Variants in CLMN observed in about 807,000 individuals in gnomAD.
The protein encoded by CLMN is calmin (calponin-like, transmembrane).
CLMN carries 57 observed loss-of-function variants against 92.7 expected under a neutral mutation model. The ratio of observed to expected loss-of-function variants is 0.61; its 90% CI spans 0.50 to 0.77. The LOEUF (loss-of-function observed/expected upper bound fraction) is 0.77. Ranked by LOEUF, CLMN falls within the 30% of genes least tolerant of loss-of-function variation. The pLI is 0.00. For synonymous variants in CLMN, 466 were observed against 470.6 expected, an observed-to-expected ratio of 0.99 and a Z score of 0.13; for missense variants, 1,158 against 1,237.5, an observed-to-expected ratio of 0.94 and a Z score of 0.96.
At chr14:95,318,588 T>C (rs926012270) in intron 1 of CLMN, among the ~76,000 whole-genome samples, 4 of 152,132 alleles carry the variant, frequency 2.6e-5, no homozygotes, top group Non-Finnish European at 5.9e-5. Context: ...GTAAAGTCGC[T>C]GCCCTGGCTG....
chr14:95,317,807 T>C (rs572029027), intron 1 of CLMN, among the ~76,000 whole-genome samples: 7 of 152,242 alleles, frequency 4.6e-5, no homozygotes, highest in Non-Finnish European at 7.3e-5. Context: ...GATGTACTCA[T>C]ACATAAAGTT....
Position 95,215,648 on chromosome 14 carries a change from A to G in CLMN, c.410T>C (p.Phe137Ser). The G allele has an allele frequency of 6.2e-7, 1 of 1,613,428 alleles. No homozygotes were observed. The highest frequency in any genetic ancestry group is 8.5e-7 in the Non-Finnish European group (1 of 1,179,312). Residue 137 changes from phenylalanine to serine, a missense_variant, in exon 5 of 13, where the codon TTC (phenylalanine) becomes TCC (serine). Transcript: ENST00000298912. Reference protein sequence around the residue: ...VLGLIWNIILFFQIKELTGNL... With the variant: ...VLGLIWNIILSFQIKELTGNL... ...GAAAAGAAATGATCTTACCTGGAAGAAGAGGATTATGTTCCATATCAGCCC... is the reference window on the plus strand; with the variant it reads ...GAAAAGAAATGATCTTACCTGGAAGGAGAGGATTATGTTCCATATCAGCCC...
Position 95,210,622 on chromosome 14 carries a change from T to C in CLMN, c.802+64A>G, listed in dbSNP as rs1254125483. The C allele has an allele frequency of 1.1e-5, 16 of 1,523,008 alleles. No homozygotes were observed. The East Asian group carries it at 1.2e-4, about 11-fold the overall frequency. 94.3% of individuals were successfully genotyped at this position (1,523,008 alleles called of 1,614,324 possible). On this transcript the variant is annotated intron_variant, in intron 7 of 12. Transcript: ENST00000298912. ...TTCTGTATTTTCCAGATTTTCCACA[T>C]GGGACAGCAAGTGGTACATTTGTAA...
At chr14:95,288,549 C>G (rs572649590) in intron 1 of CLMN, among the ~76,000 whole-genome samples, 2 of 152,194 alleles carry the variant, frequency 1.3e-5, no homozygotes, top group Non-Finnish European at 2.9e-5. Context: ...TTGGCAGATC[C>G]TATGCTTAAA....
Position 95,281,964 on chromosome 14 carries a change from G to A in CLMN, c.82+37747C>T, listed in dbSNP as rs547297643. On this transcript the variant is annotated intron_variant, in intron 1 of 12. Transcript: ENST00000298912. ...CGGGCTCCACCACCCTTCAATTCAC[G>A]AAAGAGCTGCCCTATTTTCCTCTAC... Among the ~76,000 whole-genome samples the A allele has an allele frequency of 8.3e-4, 126 of 152,294 alleles. 1 individual carries two copies. In the South Asian group the frequency reaches 0.015, roughly 18 times the overall value.
At chr14:95,207,052 G>A (rs1440516149) in intron 8 of CLMN, among the ~76,000 whole-genome samples, 1 of 151,766 alleles carries the variant, frequency 6.6e-6, no homozygotes, top group African/African-American at 2.4e-5. Flanking sequence ...TCAAGATATT[G>A]GCAGGGCTGG....
At chr14:95,310,268 G>T (rs929247254) in intron 1 of CLMN, among the ~76,000 whole-genome samples, 1 of 152,184 alleles carries the variant, frequency 6.6e-6, no homozygotes, top group Non-Finnish European at 1.5e-5. Context: ...TTAGAGCAAT[G>T]CAAAAACGAC....
chr14:95,210,715 A>C lies in CLMN; in HGVS notation c.773T>G (p.Leu258Arg). 1 of 1,607,678 alleles carries C rather than the reference A, an allele frequency of 6.2e-7. No individual in the cohort carries two copies. Among genetic ancestry groups the C allele is most frequent in the Non-Finnish European group, 8.5e-7 (1 of 1,177,428 alleles). Residue 258 changes from leucine (L) to arginine (R), a missense_variant, in exon 7 of 13, where the codon CTG (leucine) becomes CGG (arginine). Transcript: ENST00000298912. ...TGGCTCCAGGAGCCTGGGGATGTGC[A>C]GGGCATCCTGTGCGATGCTGAAAGC... Reference protein sequence around the residue: ...EKAFSIAQDALHIPRLLEPED... With the variant: ...EKAFSIAQDARHIPRLLEPED...
At chr14:95,197,701 C>G (rs147549843) in intron 9 of CLMN, among the ~76,000 whole-genome samples, 6 of 152,304 alleles carry the variant, frequency 3.9e-5, no homozygotes, top group South Asian at 2.1e-4. Context: ...CTCTGAAACC[C>G]GTCAGCAAGG....
chr14:95,314,008 G>A (rs925530392), intron 1 of CLMN, among the ~76,000 whole-genome samples: 4 of 152,210 alleles, frequency 2.6e-5, no homozygotes, highest in Admixed American at 6.5e-5. Context: ...ATGCAAAGTC[G>A]TGGCTGCTGA....
intron 1 of CLMN, among the ~76,000 whole-genome samples, chr14:95,311,367 A>G (rs55832541): frequency 0.063 from 9,643 of 152,210 alleles, 320 homozygotes; most frequent in Middle Eastern, 0.095. Context: ...AGGAGAGGAA[A>G]GCAGGGGTGG....
intron 5 of CLMN, among the ~76,000 whole-genome samples, chr14:95,214,574 A>G (rs1198445418): frequency 2.6e-5 from 4 of 151,286 alleles, no homozygotes; most frequent in African/African-American, 7.3e-5. Flanking sequence ...TGATGTTGGA[A>G]CTCCTGGGCT....
chr14:95,203,186 G>A lies in CLMN; in HGVS notation c.2163C>T (p.Val721=), dbSNP rs1197208730. The A allele has an allele frequency of 1.2e-6, 2 of 1,613,018 alleles. No individual in the cohort carries two copies. Among genetic ancestry groups the A allele is most frequent in the Non-Finnish European group, 1.7e-6 (2 of 1,180,018 alleles). The change falls in exon 9 of 13, where the codon GTC becomes GTT. Residue 721 remains valine, a synonymous_variant. Coordinates refer to ENST00000298912, the MANE Select transcript of CLMN (RefSeq NM_024734.4). ...KPSPPLSKVS[V]IPHDLFYFPH... is the part of the protein sequence containing the mutation. Reference sequence around the variant, plus strand: ...GGAAATAGAAGAGGTCGTGGGGAATGACGGAAACCTTTGAGAGGGGTGGGG... The same window carrying A: ...GGAAATAGAAGAGGTCGTGGGGAATAACGGAAACCTTTGAGAGGGGTGGGG...
intron 1 of CLMN, among the ~76,000 whole-genome samples, chr14:95,251,137 G>A (rs928169433): frequency 2.6e-5 from 4 of 152,168 alleles, no homozygotes; most frequent in African/African-American, 9.7e-5. Context: ...ATGATCTCAT[G>A]TGTGTGTGTA....
chr14:95,293,496 C>T (rs916098042), intron 1 of CLMN, among the ~76,000 whole-genome samples: 7 of 151,550 alleles, frequency 4.6e-5, no homozygotes, highest in African/African-American at 1.7e-4. Flanking sequence ...AATAACCATA[C>T]ATATCTTGAG....
chr14:95,254,680 A>G (rs1261022827), intron 1 of CLMN, among the ~76,000 whole-genome samples: 1 of 152,146 alleles, frequency 6.6e-6, no homozygotes, highest in Non-Finnish European at 1.5e-5. Flanking sequence ...GAATGTGACA[A>G]TACTATTCAA....
chr14:95,201,335 G>T (rs1166428000), intron 9 of CLMN, among the ~76,000 whole-genome samples: 2 of 151,724 alleles, frequency 1.3e-5, no homozygotes, highest in Non-Finnish European at 2.9e-5. Context: ...GGGAGTCACA[G>T]CGAAGAAGGC....
intron 1 of CLMN, among the ~76,000 whole-genome samples, chr14:95,240,866 A>G (rs1279436226): frequency 6.6e-6 from 1 of 152,156 alleles, no homozygotes; most frequent in African/African-American, 2.4e-5. Context: ...TATTCTAGTC[A>G]CTGTGAGCCA....
intron 1 of CLMN, among the ~76,000 whole-genome samples, chr14:95,252,146 G>A (rs531977421): frequency 1.3e-5 from 2 of 152,302 alleles, no homozygotes; most frequent in Admixed American, 6.5e-5. Context: ...GGTGCTGAGT[G>A]TGCCAGCTGA....
Sources: allele counts gnomAD v4.1 joint callset (sites outside exome capture counted in the v4.1 genomes callset), GRCh38; gene constraint gnomAD v4.1.1; transcripts MANE v1.5; gene names NCBI Gene and HGNC (gene_info 2026-07-23, HGNC 2026-07-21).